The following ZNF667 variants were observed in gnomAD, a reference collection of about 807,000 sequenced individuals.
ZNF667 encodes the protein zinc finger protein 667.
Under a neutral mutation model 31.8 loss-of-function variants are expected in ZNF667, and 13 were observed. That is an observed-to-expected ratio of 0.41 (90% CI 0.27 to 0.65). ZNF667 has a LOEUF of 0.65. ZNF667 is among the 30% of genes least tolerant of loss of function. ZNF667 has a pLI of 0.32. For synonymous variants in ZNF667, 228 were observed against 247.1 expected, an observed-to-expected ratio of 0.92 and a Z score of 0.73; for missense variants, 642 against 725.6, an observed-to-expected ratio of 0.88 and a Z score of 1.32.
At chr19:56,464,610 GGGCAGT>G (rs1178658525) in intron 3 of ZNF667, among the ~76,000 whole-genome samples, 1 of 152,120 alleles carries the variant, frequency 6.6e-6, no homozygotes, top group Non-Finnish European at 1.5e-5. Flanking sequence ...TGTTTCTGTG[GGGCAGT>G]GCTGCCACAT....
At position 56,440,894 on chromosome 19, in the gene ZNF667, GT is replaced by G. The variant is rs2042587294; in HGVS notation, c.*267del. ...TGTCTCAGCCTCCCAAAGTGCTGGG[GT>G]TACAGGTGTAAGCCACTGCGCCCAG... On this transcript the variant is annotated 3_prime_UTR_variant, in exon 7 of 7. Transcript: ENST00000504904. The G allele has an allele frequency of 8.1e-7, 1 of 1,236,810 alleles. No individual in the cohort carries two copies. Among genetic ancestry groups the G allele is most frequent in the African/African-American group, 1.5e-5 (1 of 65,692 alleles). 76.6% of individuals were successfully genotyped at this position (1,236,810 alleles called of 1,614,324 possible). A position where few individuals can be genotyped will look rare whatever the true frequency, so the allele number is the denominator to read the frequency against.
intron 5 of ZNF667, among the ~76,000 whole-genome samples, chr19:56,459,838 A>G (rs2043007778): frequency 6.6e-6 from 1 of 152,116 alleles, no homozygotes; most frequent in African/African-American, 2.4e-5. Context: ...CTAAAATACA[A>G]AAAATCAGCT....
rs1379304549 is a variant in ZNF667, at chr19:56,445,896, C to T, written c.254-3155G>A. Among the ~76,000 whole-genome samples the T allele has an allele frequency of 1.9e-4, 21 of 112,844 alleles. No homozygotes were observed. In the East Asian group the frequency reaches 6.0e-3, roughly 32 times the overall value. The allele number at this position is 112,844 out of a possible 152,430, so 74.0% of individuals were successfully genotyped here. Reference sequence around the variant, plus strand: ...CCATGATCCAATCACCTCCCACAGACCCCACCTCCAACACTGAGGATTAAA... The same window carrying T: ...CCATGATCCAATCACCTCCCACAGATCCCACCTCCAACACTGAGGATTAAA... On this transcript the variant is annotated intron_variant, in intron 6 of 6. Coordinates refer to ENST00000504904, the MANE Select transcript of ZNF667 (RefSeq NM_001321356.2).
chr19:56,473,763 T>G (rs534797158), intron 2 of ZNF667, among the ~76,000 whole-genome samples: 1 of 152,012 alleles, frequency 6.6e-6, no homozygotes, highest in East Asian at 1.9e-4. Flanking sequence ...TAAAATGGTA[T>G]TATAAGGGCA....
Position 56,462,324 on chromosome 19 carries a change from G to A in ZNF667, c.33+14C>T. On this transcript the variant is annotated intron_variant, in intron 4 of 6. Coordinates refer to ENST00000504904, the MANE Select transcript of ZNF667 (RefSeq NM_001321356.2). ...CGATGGGGTGTTCCGGAAGGAAGAG[G>A]AATTGCCACTTACCTTGGATTTGGA... 2 of 1,614,184 alleles carry A rather than the reference G, an allele frequency of 1.2e-6. No individual in the cohort carries two copies. Among genetic ancestry groups the A allele is most frequent in the Non-Finnish European group, 1.7e-6 (2 of 1,180,016 alleles).
At position 56,441,902 on chromosome 19, in the gene ZNF667, T is replaced by C; in HGVS notation, c.1093A>G (p.Lys365Glu). ...EKPYKCDKCD[K>E]FFRRLSTLIL... Reference sequence around the variant, plus strand: ...AGGGTTGAAAGCCGCCTGAAGAACTTGTCACATTTATCACATTTGTACGGT... The same window carrying C: ...AGGGTTGAAAGCCGCCTGAAGAACTCGTCACATTTATCACATTTGTACGGT... The change falls in exon 7 of 7, where the codon AAG becomes GAG. Residue 365 changes from lysine to glutamate, a missense_variant. Transcript: ENST00000504904. This position sits in a 1 kb window ranked among gnomAD's most constrained non-coding sequence, Gnocchi z 4.2. 6.2e-7 allele frequency: 1 copy of C among 1,614,190 alleles called. No individual in the cohort carries two copies. The highest frequency in any genetic ancestry group is 8.5e-7 in the Non-Finnish European group (1 of 1,180,024).
chr19:56,441,114 C>T lies in ZNF667; in HGVS notation c.*48G>A. On this transcript the variant is annotated 3_prime_UTR_variant, in exon 7 of 7. Coordinates refer to ENST00000504904, the MANE Select transcript of ZNF667 (RefSeq NM_001321356.2). The surrounding 1 kb of genome is among the most constrained non-coding windows in gnomAD (Gnocchi z 4.2). ...ACATTATAGACAAATACATATTTGC[C>T]ATATGTTTGATAGCCTCATTCGTTG... The T allele has an allele frequency of 1.3e-6, 2 of 1,544,600 alleles. No individual in the cohort carries two copies. The highest frequency in any genetic ancestry group is 8.7e-7 in the Non-Finnish European group (1 of 1,146,920).
intron 6 of ZNF667, 38 bp downstream of exon 6, chr19:56,458,117 G>C: frequency 6.4e-7 from 1 of 1,563,496 alleles, no homozygotes; most frequent in Non-Finnish European, 8.8e-7. Context: ...AGCAGCCCCA[G>C]TAGACTGAGA....
Position 56,445,920 on chromosome 19 carries a change from A to T in ZNF667, c.254-3179T>A, listed in dbSNP as rs2042699630. 3.6e-5 allele frequency among the ~76,000 whole-genome samples: 5 copies of T among 137,326 alleles called. No homozygotes were observed. The South Asian group carries it at 1.4e-3, about 38-fold the overall frequency. 90.1% of individuals were successfully genotyped at this position (137,326 alleles called of 152,430 possible). ...ACCCCACCTCCAACACTGAGGATTA[A>T]ATTTCAACATGAGATTTGGTGAGAA... On this transcript the variant is annotated intron_variant, in intron 6 of 6. Coordinates refer to ENST00000504904, the MANE Select transcript of ZNF667 (RefSeq NM_001321356.2).
chr19:56,462,418 G>A lies in ZNF667; in HGVS notation c.-48C>T, dbSNP rs774268719. 1.9e-6 allele frequency: 3 copies of A among 1,611,628 alleles called. No homozygotes were observed. The highest frequency in any genetic ancestry group is 2.5e-6 in the Non-Finnish European group (3 of 1,177,798). ...CACACTGAGAGATGGGCAGAGAGCT[G>A]GTAAGGCAGGGCTGTGGGGAGAAGA... On this transcript the variant is annotated 5_prime_UTR_variant, in exon 4 of 7. Transcript: ENST00000504904.
At chr19:56,452,910 C>T (rs1236320549) in intron 6 of ZNF667, among the ~76,000 whole-genome samples, 1 of 149,066 alleles carries the variant, frequency 6.7e-6, no homozygotes, top group Non-Finnish European at 1.5e-5. Flanking sequence ...CAGAGCAAGA[C>T]TCTGTCTCAA....
At chr19:56,465,435 C>G (rs369360261) in intron 3 of ZNF667, among the ~76,000 whole-genome samples, 34 of 152,330 alleles carry the variant, frequency 2.2e-4, no homozygotes, top group East Asian at 1.2e-3. Flanking sequence ...TTACATGTCT[C>G]TCTTTGTAGG....
rs2042630503 is a variant in ZNF667, at chr19:56,442,478, C to T, written c.517G>A (p.Glu173Lys). The T allele has an allele frequency of 6.2e-7, 1 of 1,613,590 alleles. No individual in the cohort carries two copies. Among genetic ancestry groups the T allele is most frequent in the Admixed American group, 1.7e-5 (1 of 59,940 alleles). The change falls in exon 7 of 7, where the codon GAA becomes AAA. Residue 173 changes from glutamate (E) to lysine (K), a missense_variant. By Grantham distance (56) the Glu-to-Lys change is moderately conservative (BLOSUM62 1). Transcript: ENST00000504904. ...AAAGCTTTTCTACAATTACTGCATT[C>T]AAAAGGCTTCTCTCCTGTATGAATG... ...QNIHTGEKPF[E>K]CSNCRKAFRQ...
At chr19:56,468,880 GC>G (rs1291759983) in intron 3 of ZNF667, 5 of 152,230 alleles carry the variant, frequency 3.3e-5, no homozygotes, top group African/African-American at 1.2e-4. Context: ...TATGCTGCTG[GC>G]CTTGAAGATG....
At chr19:56,443,351 G>A (rs1048308023) in intron 6 of ZNF667, among the ~76,000 whole-genome samples, 2 of 152,142 alleles carry the variant, frequency 1.3e-5, no homozygotes, top group African/African-American at 4.8e-5. Context: ...TACAGTCACG[G>A]GTTGCTTAAC....
Position 56,440,977 on chromosome 19 carries a change from C to A in ZNF667, c.*185G>T. On this transcript the variant is annotated 3_prime_UTR_variant, in exon 7 of 7. Coordinates refer to ENST00000504904, the MANE Select transcript of ZNF667 (RefSeq NM_001321356.2). The stretch of plus-strand genomic sequence containing the variant: ...TCATTCACAATGACTGACCAAACTT[C>A]TGAGTTTCCTTCAGTTAATTTCAAA... 1 of 1,411,328 alleles carries A rather than the reference C, an allele frequency of 7.1e-7. No individual in the cohort carries two copies. Among genetic ancestry groups the A allele is most frequent in the Non-Finnish European group, 9.2e-7 (1 of 1,087,260 alleles). The allele number at this position is 1,411,328 out of a possible 1,614,324, so 87.4% of individuals were successfully genotyped here.
Position 56,439,450 on chromosome 19 carries a change from C to T in ZNF667, c.*1712G>A, listed in dbSNP as rs2042559240. The T allele has an allele frequency of 6.6e-6, 1 of 152,228 alleles. No homozygotes were observed. The highest frequency in any genetic ancestry group is 2.4e-5 in the African/African-American group (1 of 41,452). The allele number at this position is 152,228 out of a possible 1,614,324, so 9.4% of individuals were successfully genotyped here. A position where few individuals can be genotyped will look rare whatever the true frequency, so the allele number is the denominator to read the frequency against. ...AAAGAACCCAGTAGATAAATCTAGG[C>T]TTTCCACTCCATATATTAGCTGGGG... On this transcript the variant is annotated 3_prime_UTR_variant, in exon 7 of 7. Coordinates refer to ENST00000504904, the MANE Select transcript of ZNF667 (RefSeq NM_001321356.2).
chr19:56,441,602 G>A lies in ZNF667; in HGVS notation c.1393C>T (p.His465Tyr), dbSNP rs2042603376. 6.2e-7 allele frequency: 1 copy of A among 1,614,112 alleles called. No individual in the cohort carries two copies. The change falls in exon 7 of 7, where the codon CAT (histidine) becomes TAT (tyrosine). Residue 465 changes from histidine (H) to tyrosine (Y), a missense_variant. His to Tyr is a moderately conservative substitution (Grantham distance 83). Coordinates refer to ENST00000504904, the MANE Select transcript of ZNF667 (RefSeq NM_001321356.2). This position sits in a 1 kb window ranked among gnomAD's most constrained non-coding sequence, Gnocchi z 4.2. Reference sequence around the variant, plus strand: ...CACTGGTAGGGTTTTTCTCCAGTATGAATTCTTTGATGTTCAATAAGAAAT... The same window carrying A: ...CACTGGTAGGGTTTTTCTCCAGTATAAATTCTTTGATGTTCAATAAGAAAT... ...QSFLIEHQRI[H>Y]TGEKPYQCEE... is the part of the protein sequence containing the mutation.
chr19:56,462,383 C>T lies in ZNF667; in HGVS notation c.-13G>A, dbSNP rs772535492. On this transcript the variant is annotated 5_prime_UTR_variant, in exon 4 of 7. Coordinates refer to ENST00000504904, the MANE Select transcript of ZNF667 (RefSeq NM_001321356.2). ...GTGCAGAAGGCATCCTTTCCTCCCC[C>T]TTTAGGGTCCACACTGAGAGATGGG... 17 of 1,614,198 alleles carry T rather than the reference C, an allele frequency of 1.1e-5. No homozygotes were observed. In the East Asian group the frequency reaches 1.8e-4, roughly 17 times the overall value.
Sources: gnomAD v4.1 joint callset for allele counts (sites outside exome capture counted in the v4.1 genomes callset) on GRCh38, gnomAD v4.1.1 for gene constraint, Gnocchi (gnomAD v3.1) non-coding constraint, MANE v1.5 for transcripts, NCBI Gene and HGNC (gene_info 2026-07-23, HGNC 2026-07-21) for gene names.